The following SHMT1 variants were observed in gnomAD, a reference collection of about 807,000 sequenced individuals.
The protein encoded by SHMT1 is serine hydroxymethyltransferase, cytosolic.
In SHMT1, 45 loss-of-function variants were observed where a neutral mutation model predicts 49.0. That is an observed-to-expected ratio of 0.92 (90% CI 0.72 to 1.18). The LOEUF (loss-of-function observed/expected upper bound fraction) is 1.18, where lower values mean the gene tolerates loss of function less well. Among genes scored for constraint, SHMT1 ranks in the 50% most tolerant of loss-of-function variants. SHMT1 has a pLI of 0.00. For missense variants in SHMT1, 541 were observed against 612.4 expected (o/e 0.88, Z 1.23); for synonymous variants, 232 against 246.6 (o/e 0.94, Z 0.55).
intron 7 of SHMT1, among the ~76,000 whole-genome samples, chr17:18,338,092 C>A: frequency 6.7e-6 from 1 of 149,830 alleles, no homozygotes; most frequent in Non-Finnish European, 1.5e-5. Flanking sequence ...GTGAGGAGCG[C>A]CTCTTCCCGG....
intron 5 of SHMT1, chr17:18,341,241 C>T (rs1391454422): frequency 2.9e-5 from 7 of 242,648 alleles, no homozygotes; most frequent in African/African-American, 1.6e-4. Flanking sequence ...AATTTAAAAA[C>T]TGACATTACA....
At chr17:18,355,676 C>T (rs1986175085) in intron 2 of SHMT1, among the ~76,000 whole-genome samples, 1 of 152,178 alleles carries the variant, frequency 6.6e-6, no homozygotes, top group Admixed American at 6.6e-5. Context: ...TTCTCCAGAG[C>T]ACCCTGCACA....
Position 18,328,836 on chromosome 17 carries a change from T to C in SHMT1, c.1366A>G (p.Lys456Glu). 2 of 1,613,736 alleles carry C rather than the reference T, an allele frequency of 1.2e-6. No individual in the cohort carries two copies. Among genetic ancestry groups the C allele is most frequent in the Non-Finnish European group, 1.7e-6 (2 of 1,180,008 alleles). ...KEFKERLAGD[K>E]YQAAVQALRE... ...AGAGCCTGCACGGCCGCCTGGTACT[T>C]ATCCCCTGCCAGTCTCTCCTTGAAC... The change falls in exon 12 of 12, where the codon AAG (lysine) becomes GAG (glutamate). Residue 456 changes from lysine to glutamate, a missense_variant. Lys to Glu is a moderately conservative substitution (Grantham distance 56). Transcript: ENST00000316694.
At chr17:18,358,273 G>T (rs1279619408) in intron 1 of SHMT1, among the ~76,000 whole-genome samples, 1 of 150,398 alleles carries the variant, frequency 6.6e-6, no homozygotes. Context: ...GGGCGGATCA[G>T]GAGGTCAGGA....
At chr17:18,345,284 G>A (rs771411027) in intron 5 of SHMT1, among the ~76,000 whole-genome samples, 1 of 152,146 alleles carries the variant, frequency 6.6e-6, no homozygotes, top group Non-Finnish European at 1.5e-5. Flanking sequence ...TGGAGATGGA[G>A]TCTTGCTCTG....
intron 8 of SHMT1, 35 bp downstream of exon 8, chr17:18,335,524 G>T: frequency 7.0e-7 from 1 of 1,428,502 alleles, no homozygotes; most frequent in Non-Finnish European, 9.9e-7. Flanking sequence ...GGGAATTAGG[G>T]GCTACAGGAT....
intron 1 of SHMT1, among the ~76,000 whole-genome samples, chr17:18,362,515 G>C (rs374159741): frequency 3.9e-5 from 6 of 152,054 alleles, no homozygotes; most frequent in African/African-American, 1.4e-4. Context: ...GTACAGACGG[G>C]GTTTCACCAT....
chr17:18,347,683 T>C (rs900718197), intron 4 of SHMT1, 27 bp from the exon 5 acceptor site: 1 of 1,613,756 alleles, frequency 6.2e-7, no homozygotes, highest in Non-Finnish European at 8.5e-7. Context: ...AGAGGAGACA[T>C]GATTATTTCT....
chr17:18,362,256 T>C (rs1986841292), intron 1 of SHMT1, among the ~76,000 whole-genome samples: 1 of 152,244 alleles, frequency 6.6e-6, no homozygotes, highest in South Asian at 2.1e-4. Flanking sequence ...AATTACCCAC[T>C]TCCGTTCCAA....
At position 18,328,483 on chromosome 17, in the gene SHMT1, T is replaced by C. The variant is rs12952556; in HGVS notation, c.*267A>G. ...TTATGACCAAGTGGCGACATAGTAT[T>C]TTATTTTCCTAGAATTATGTCCAGC... On this transcript the variant is annotated 3_prime_UTR_variant, in exon 12 of 12. Transcript: ENST00000316694. The C allele has an allele frequency of 0.28, 140,700 of 496,084 alleles. 21,454 individuals are homozygous for C. The highest frequency in any genetic ancestry group is 0.35 in the African/African-American group (18,157 of 51,568). The allele number at this position is 496,084 out of a possible 1,614,324, so 30.7% of individuals were successfully genotyped here.
intron 5 of SHMT1, among the ~76,000 whole-genome samples, chr17:18,346,106 A>G (rs1018041982): frequency 3.3e-5 from 5 of 152,178 alleles, no homozygotes; most frequent in South Asian, 2.1e-4. Context: ...TGACTGCAAA[A>G]AAGAGCACAC....
intron 7 of SHMT1, among the ~76,000 whole-genome samples, chr17:18,337,165 G>A (rs907805456): frequency 1.3e-5 from 2 of 152,060 alleles, no homozygotes; most frequent in African/African-American, 2.4e-5. Context: ...CAGTCCAAAG[G>A]GACAGGTACT....
chr17:18,353,257 G>GAA (rs1317429072), intron 3 of SHMT1, among the ~76,000 whole-genome samples: 2 of 152,200 alleles, frequency 1.3e-5, no homozygotes, highest in Non-Finnish European at 2.9e-5. Context: ...TTATAATGCA[G>GAA]AAACGGTTTT....
intron 1 of SHMT1, among the ~76,000 whole-genome samples, chr17:18,361,298 C>CA (rs57119291): frequency 0.46 from 43,903 of 96,390 alleles, 9,914 homozygotes; most frequent in Non-Finnish European, 0.5. Flanking sequence ...GACTCTGTCT[C>CA]AAAAAAAAAA....
Position 18,335,675 on chromosome 17 carries a change from C to G in SHMT1, c.815G>C (p.Gly272Ala). Reference protein sequence around the residue: ...CRAGMIFYRKGVKSVDPKTGK... With the variant: ...CRAGMIFYRKAVKSVDPKTGK... Reference sequence around the variant, plus strand: ...AGTCTTGGGATCCACACTTTTCACTCCTGGAGGAAGAAAAACATCACAGTG... The same window carrying G: ...AGTCTTGGGATCCACACTTTTCACTGCTGGAGGAAGAAAAACATCACAGTG... The change falls in exon 8 of 12, where the codon GGA becomes GCA. Residue 272 changes from glycine (G) to alanine (A), a missense_variant and splice_region_variant. By Grantham distance (60) the Gly-to-Ala change is moderately conservative (BLOSUM62 0). Coordinates refer to ENST00000316694, the MANE Select transcript of SHMT1 (RefSeq NM_004169.5). 1 of 1,606,334 alleles carries G rather than the reference C, an allele frequency of 6.2e-7. No homozygotes were observed. Among genetic ancestry groups the G allele is most frequent in the Non-Finnish European group, 8.5e-7 (1 of 1,172,866 alleles).
At chr17:18,360,226 G>C (rs1002949644) in intron 1 of SHMT1, among the ~76,000 whole-genome samples, 1 of 151,158 alleles carries the variant, frequency 6.6e-6, no homozygotes, top group African/African-American at 2.4e-5. Context: ...TCCAGCCTGG[G>C]TGACAGAGCA....
intron 1 of SHMT1, among the ~76,000 whole-genome samples, chr17:18,358,477 ACT>A (rs956579003): frequency 3.3e-5 from 5 of 151,872 alleles, no homozygotes; most frequent in African/African-American, 7.3e-5. Flanking sequence ...ACAGAGCGAG[ACT>A]CTGTCTCAAA....
chr17:18,340,674 T>C lies in SHMT1; in HGVS notation c.601+58A>G. On this transcript the variant is annotated intron_variant, in intron 6 of 11. Transcript: ENST00000316694. The surrounding 1 kb of genome is among the most constrained non-coding windows in gnomAD (Gnocchi z 4.5). ...GGGTGCGAACATCTTTCCATCCTCA[T>C]TCTGTAAGAGGCACCAGGCTACTGG... The C allele has an allele frequency of 6.8e-7, 1 of 1,470,540 alleles. No homozygotes were observed. The highest frequency in any genetic ancestry group is 9.4e-7 in the Non-Finnish European group (1 of 1,065,824). 91.1% of individuals were successfully genotyped at this position (1,470,540 alleles called of 1,614,324 possible). A position where few individuals can be genotyped will look rare whatever the true frequency, so the allele number is the denominator to read the frequency against.
chr17:18,355,852 A>G (rs758297056), intron 2 of SHMT1, 34 bp downstream of exon 2: 14 of 1,370,024 alleles, frequency 1.0e-5, no homozygotes, highest in Non-Finnish European at 1.3e-5. Context: ...GGCCTCCAAC[A>G]TAAAAAAATC....
Sources: gnomAD v4.1 joint callset for allele counts (sites outside exome capture counted in the v4.1 genomes callset) on GRCh38, gnomAD v4.1.1 for gene constraint, Gnocchi (gnomAD v3.1) non-coding constraint, MANE v1.5 for transcripts, NCBI Gene and HGNC (gene_info 2026-07-23, HGNC 2026-07-21) for gene names.